The following RPRD2 variants were observed in gnomAD, a reference collection of about 807,000 sequenced individuals.
The protein encoded by RPRD2 is regulation of nuclear pre-mRNA domain containing 2.
RPRD2 carries 12 observed loss-of-function variants against 104.4 expected under a neutral mutation model. The ratio of observed to expected loss-of-function variants is 0.11; its 90% CI spans 0.07 to 0.19. The LOEUF (loss-of-function observed/expected upper bound fraction) is 0.19. Among genes scored for constraint, RPRD2 ranks in the 10% least tolerant of loss-of-function variants. The pLI is 1.00. For missense variants in RPRD2, 1,543 were observed against 1,790.1 expected (o/e 0.86, Z 2.49); for synonymous variants, 714 against 684.9 (o/e 1.04, Z -0.66).
intron 7 of RPRD2, among the ~76,000 whole-genome samples, chr1:150,446,808 G>A (rs1553895586): frequency 6.7e-6 from 1 of 149,740 alleles, no homozygotes; most frequent in Non-Finnish European, 1.5e-5. Flanking sequence ...AATACAGCTA[G>A]TAAGTGGTAG....
chr1:150,401,178 T>G lies in RPRD2; in HGVS notation c.206-16418T>G, dbSNP rs949484981. ...GGCGACAGAGCGAGACATCATCTCA[T>G]AAAAATAAAAAAAAGAGATAGCATC... On this transcript the variant is annotated intron_variant, in intron 1 of 10. Transcript: ENST00000369068. 2.8e-5 allele frequency among the ~76,000 whole-genome samples: 4 copies of G among 145,336 alleles called. No individual in the cohort carries two copies. In the South Asian group the frequency reaches 6.6e-4, roughly 24 times the overall value.
At chr1:150,393,322 A>G (rs993054330) in intron 1 of RPRD2, among the ~76,000 whole-genome samples, 4 of 151,806 alleles carry the variant, frequency 2.6e-5, no homozygotes, top group Admixed American at 6.6e-5. Flanking sequence ...TTAGCTGGGC[A>G]TGGTACATGC....
intron 7 of RPRD2, 21 bp from the exon 8 acceptor site, chr1:150,457,267 A>T: frequency 6.3e-7 from 1 of 1,595,810 alleles, no homozygotes; most frequent in Non-Finnish European, 8.5e-7. Context: ...CCAAGGAGTA[A>T]ACTCCTTTTT....
rs1553876817 is a variant in RPRD2, at chr1:150,364,661, G to A, written c.-54G>A. ...AGTGATTGTTTTGCCCGCTCCCGCC[G>A]CCGCCGCCGCCGCCGCCGCCAGAGG... On this transcript the variant is annotated 5_prime_UTR_variant, in exon 1 of 11. Transcript: ENST00000369068. 4 of 977,150 alleles carry A rather than the reference G, an allele frequency of 4.1e-6. No homozygotes were observed. The highest frequency in any genetic ancestry group is 2.7e-5 in the East Asian group (1 of 37,378). The allele number at this position is 977,150 out of a possible 1,614,324, so 60.5% of individuals were successfully genotyped here. A position where few individuals can be genotyped will look rare whatever the true frequency, so the allele number is the denominator to read the frequency against.
intron 9 of RPRD2, among the ~76,000 whole-genome samples, chr1:150,462,445 C>CA (rs1201864402): frequency 4.1e-3 from 484 of 118,344 alleles, no homozygotes; most frequent in African/African-American, 9.5e-3. Flanking sequence ...ACTCTTGTCT[C>CA]AAAAAAAAAC....
intron 1 of RPRD2, among the ~76,000 whole-genome samples, chr1:150,402,805 A>G (rs1553885700): frequency 1.3e-5 from 2 of 152,174 alleles, no homozygotes; most frequent in African/African-American, 4.8e-5. Flanking sequence ...CGTCTCTACT[A>G]AAAATACGAA....
chr1:150,391,351 CAT>C (rs1236268659), intron 1 of RPRD2, among the ~76,000 whole-genome samples: 1 of 152,082 alleles, frequency 6.6e-6, no homozygotes, highest in Non-Finnish European at 1.5e-5. Flanking sequence ...ATAAGGGTCT[CAT>C]GTGTTGCCCA....
At chr1:150,396,237 A>G (rs1157170515) in intron 1 of RPRD2, among the ~76,000 whole-genome samples, 4 of 144,754 alleles carry the variant, frequency 2.8e-5, no homozygotes, top group African/African-American at 1.0e-4. Flanking sequence ...AGTTTATTAT[A>G]GATTCTGGAA....
chr1:150,437,664 C>T (rs934396347), intron 2 of RPRD2, among the ~76,000 whole-genome samples: 1 of 152,012 alleles, frequency 6.6e-6, no homozygotes, highest in African/African-American at 2.4e-5. Context: ...ACTGCAGACT[C>T]GAACCCCTGG....
Position 150,473,017 on chromosome 1 carries a change from C to T in RPRD2, c.4069C>T (p.Leu1357Phe). 1 of 1,614,020 alleles carries T rather than the reference C, an allele frequency of 6.2e-7. No homozygotes were observed. Among genetic ancestry groups the T allele is most frequent in the Non-Finnish European group, 8.5e-7 (1 of 1,179,892 alleles). ...CCACGGGGGCCCCACCCAACGGGACCTCAACGGCCCTGGCCTTAGCCGTGT... is the reference window on the plus strand; with the variant it reads ...CCACGGGGGCCCCACCCAACGGGACTTCAACGGCCCTGGCCTTAGCCGTGT... ...RDHGGPTQRD[L>F]NGPGLSRVRE... The change falls in exon 11 of 11, where the codon CTC (leucine) becomes TTC (phenylalanine). Residue 1357 changes from leucine (L) to phenylalanine (F), a missense_variant. Physicochemically the swap from Leu to Phe is conservative, Grantham distance 22 (BLOSUM62 0). Coordinates refer to ENST00000369068, the MANE Select transcript of RPRD2 (RefSeq NM_015203.5).
intron 1 of RPRD2, among the ~76,000 whole-genome samples, chr1:150,377,557 C>T (rs2102113699): frequency 6.7e-6 from 1 of 149,404 alleles, no homozygotes; most frequent in African/African-American, 2.5e-5. Flanking sequence ...GAGATCGTAC[C>T]ACTGCACTCT....
Position 150,444,321 on chromosome 1 carries a change from A to G in RPRD2, c.638A>G (p.Gln213Arg), listed in dbSNP as rs1553895152. Residue 213 changes from glutamine to arginine, a missense_variant, in exon 6 of 11, where the codon CAG becomes CGG. By Grantham distance (43) the Gln-to-Arg change is conservative. Around this residue, in one of 4 missense-constraint regions of RPRD2, gnomAD observed 572 missense variants for 787.3 expected, o/e 0.73. Coordinates refer to ENST00000369068, the MANE Select transcript of RPRD2 (RefSeq NM_015203.5). ...GATCAGATAGAACTGAAGGAAAAGC[A>G]GTTGTCAACTATGAGGGTGGATGTG... ...SEDQIELKEKQLSTMRVDVCS... is the reference protein window; with the variant it reads ...SEDQIELKEKRLSTMRVDVCS... 6.2e-7 allele frequency: 1 copy of G among 1,613,818 alleles called. No homozygotes were observed. The highest frequency in any genetic ancestry group is 1.3e-5 in the African/African-American group (1 of 74,938).
intron 1 of RPRD2, among the ~76,000 whole-genome samples, chr1:150,376,701 CGT>C (rs1383436300): frequency 6.6e-6 from 1 of 151,350 alleles, no homozygotes; most frequent in Non-Finnish European, 1.5e-5. Flanking sequence ...GGGGTTTCAC[CGT>C]GTTAGCCAGG....
At chr1:150,366,460 G>A (rs1413487238) in intron 1 of RPRD2, among the ~76,000 whole-genome samples, 7 of 152,188 alleles carry the variant, frequency 4.6e-5, no homozygotes, top group African/African-American at 1.7e-4. Context: ...CGATCAAAGA[G>A]TTATTTTCTT....
chr1:150,453,554 G>A (rs112550965), intron 7 of RPRD2, among the ~76,000 whole-genome samples: 67 of 152,272 alleles, frequency 4.4e-4, no homozygotes, highest in Middle Eastern at 3.4e-3. Context: ...GCTCACAGAG[G>A]AAGGGAAAGA....
intron 1 of RPRD2, among the ~76,000 whole-genome samples, chr1:150,382,571 T>A (rs1661217661): frequency 6.6e-6 from 1 of 152,110 alleles, no homozygotes; most frequent in Non-Finnish European, 1.5e-5. Flanking sequence ...GTTGGCCATG[T>A]TGGTCTTGAA....
intron 10 of RPRD2, 109 bp downstream of exon 10, chr1:150,464,836 G>C: frequency 1.8e-6 from 1 of 549,882 alleles, no homozygotes; most frequent in Admixed American, 4.0e-5. Flanking sequence ...GTATAACACA[G>C]TTAATTCATT....
In RPRD2 at chr1:150,464,631, C is replaced by T. The variant is rs781799752; in HGVS notation, c.1516C>T (p.Pro506Ser). 6.8e-6 allele frequency: 11 copies of T among 1,612,446 alleles called. No homozygotes were observed. Among genetic ancestry groups the T allele is most frequent in the Non-Finnish European group, 9.3e-6 (11 of 1,179,264 alleles). ...PAPATTTSHN[P>S]LANILSKVEI... is the part of the protein sequence containing the mutation. ...ACCTGCCACGACAACATCTCACAAC[C>T]CTCTGGCAAATATCCTCTCCAAGGT... is the stretch of plus-strand genomic sequence containing the variant. The change falls in exon 10 of 11, where the codon CCT (proline) becomes TCT (serine). Residue 506 changes from proline to serine, a missense_variant. Around this residue, in one of 4 missense-constraint regions of RPRD2, gnomAD observed 572 missense variants for 787.3 expected, o/e 0.73. Coordinates refer to ENST00000369068, the MANE Select transcript of RPRD2 (RefSeq NM_015203.5).
At chr1:150,435,765 C>T (rs1323729708) in intron 2 of RPRD2, among the ~76,000 whole-genome samples, 4 of 152,162 alleles carry the variant, frequency 2.6e-5, no homozygotes, top group African/African-American at 9.6e-5. Flanking sequence ...AGCAAGTTGT[C>T]CAGAGCTTCA....
Sources: gnomAD v4.1 joint callset for allele counts (sites outside exome capture counted in the v4.1 genomes callset) on GRCh38, gnomAD v4.1.1 for gene constraint, gnomAD v4.1.1 regional missense constraint, MANE v1.5 for transcripts, NCBI Gene and HGNC (gene_info 2026-07-23, HGNC 2026-07-21) for gene names.